Variants in ZC3H12B observed in about 807,000 individuals in gnomAD.
The protein encoded by ZC3H12B is probable ribonuclease ZC3H12B.
In ZC3H12B, 7 loss-of-function variants were observed where a neutral mutation model predicts 43.9. The ratio of observed to expected loss-of-function variants is 0.16; its 90% CI spans 0.09 to 0.30. The LOEUF is 0.30. ZC3H12B is among the 10% of genes least tolerant of loss of function. The probability of loss-of-function intolerance (pLI) is 1.00; values close to 1 mark genes in which losing one functional copy is unlikely to be tolerated. For missense variants in ZC3H12B, 475 were observed against 670.2 expected, an observed-to-expected ratio of 0.71 and a Z score of 3.22; for synonymous variants, 222 against 241.7, an observed-to-expected ratio of 0.92 and a Z score of 0.76.
chrX:65,464,362 C>G (rs2067791270), intron 3 of ZC3H12B, among the ~76,000 whole-genome samples: 1 of 111,210 alleles, frequency 9.0e-6, no homozygotes, highest in South Asian at 3.7e-4. Flanking sequence ...TTTTGTCTTT[C>G]TAGGAATTTG....
At chrX:65,154,748 AG>A in the ZC3H12B span, among the ~76,000 whole-genome samples, 1 of 111,368 alleles carries the variant, frequency 9.0e-6, no homozygotes, top group Non-Finnish European at 1.9e-5. Context: ...AAGGAGGCTG[AG>A]GCAGAAGATC....
chrX:65,098,171 A>T, the ZC3H12B span, among the ~76,000 whole-genome samples: 419 of 109,506 alleles, frequency 3.8e-3, 4 homozygotes, highest in African/African-American at 0.014. Flanking sequence ...GAGAAATTTC[A>T]AACTTTTAAA....
rs58150008 is a variant in ZC3H12B, at chrX:65,466,915, A to AATATATAT, written n.408-21688_408-21681dup. On this transcript the variant is annotated intron_variant and non_coding_transcript_variant, in intron 3 of 5. Coordinates refer to the ZC3H12B transcript ENST00000617377. ...ATATGTAACTATATATATAAAACCAAATATATATATATATATATATATATA... is the reference window on the plus strand; with the variant it reads ...ATATGTAACTATATATATAAAACCAAATATATATATATATATATATATATATATATATA... Among the ~76,000 whole-genome samples, 132 of 23,871 alleles carry AATATATAT rather than the reference A, an allele frequency of 5.5e-3. 7 individuals carry two copies. Among genetic ancestry groups the AATATATAT allele is most frequent in the Non-Finnish European group, 0.012 (77 of 6,272 alleles). 20.7% of individuals were successfully genotyped at this position (23,871 alleles called of 115,157 possible).
the ZC3H12B span, among the ~76,000 whole-genome samples, chrX:65,105,238 C>T: frequency 9.2e-6 from 1 of 109,055 alleles, no homozygotes; most frequent in Admixed American, 9.9e-5. Flanking sequence ...GAACATCACA[C>T]ATCAGGGCCT....
chrX:65,262,100 G>C, the ZC3H12B span, among the ~76,000 whole-genome samples: 1 of 110,639 alleles, frequency 9.0e-6, no homozygotes, highest in Non-Finnish European at 1.9e-5. Flanking sequence ...AGACTTATTT[G>C]AAAGGAAGTA....
chrX:65,315,914 T>C, the ZC3H12B span, among the ~76,000 whole-genome samples: 1 of 111,292 alleles, frequency 9.0e-6, no homozygotes, highest in Non-Finnish European at 1.9e-5. Flanking sequence ...CCAATGAACT[T>C]AAGGAGTAAA....
At chrX:65,477,221 G>C (rs1286630054) in intron 3 of ZC3H12B, among the ~76,000 whole-genome samples, 1 of 109,463 alleles carries the variant, frequency 9.1e-6, no homozygotes, top group Non-Finnish European at 1.9e-5. Flanking sequence ...TGGCTGACTG[G>C]TCTAGGGGAT....
At chrX:65,443,885 T>C (rs2067339135) in intron 3 of ZC3H12B, among the ~76,000 whole-genome samples, 1 of 112,694 alleles carries the variant, frequency 8.9e-6, no homozygotes, top group South Asian at 3.7e-4. Context: ...ATTTTTAATC[T>C]ATGTGTGTTC....
the ZC3H12B span, among the ~76,000 whole-genome samples, chrX:65,081,055 T>A: frequency 9.1e-6 from 1 of 109,820 alleles, no homozygotes; most frequent in Non-Finnish European, 1.9e-5. Context: ...CATTAAGTAG[T>A]TATCAGGTTA....
chrX:65,271,682 G>C, the ZC3H12B span: 1 of 112,548 alleles, frequency 8.9e-6, no homozygotes, highest in Non-Finnish European at 1.9e-5. Flanking sequence ...AGATGATATG[G>C]ATCTAGCCAC....
the ZC3H12B span, among the ~76,000 whole-genome samples, chrX:65,214,178 G>C: frequency 2.7e-5 from 3 of 111,049 alleles, no homozygotes; most frequent in East Asian, 8.5e-4. Flanking sequence ...GACTGATCAG[G>C]GTGACTGATA....
chrX:65,108,170 A>G, the ZC3H12B span, among the ~76,000 whole-genome samples: 4 of 111,653 alleles, frequency 3.6e-5, no homozygotes, highest in Admixed American at 9.5e-5. Context: ...GGACATTGCT[A>G]TACATACTGT....
the ZC3H12B span, among the ~76,000 whole-genome samples, chrX:65,270,631 A>G: frequency 1.8e-5 from 2 of 111,147 alleles, no homozygotes; most frequent in Non-Finnish European, 3.8e-5. Context: ...TGCAAACCAC[A>G]TAACTGATAG....
At chrX:65,382,616 G>A (rs1436396590) in intron 2 of ZC3H12B, among the ~76,000 whole-genome samples, 1 of 111,396 alleles carries the variant, frequency 9.0e-6, no homozygotes, top group East Asian at 2.8e-4. Context: ...AATCAGGCAG[G>A]AGAAGGAAAT....
At chrX:65,143,911 T>G in the ZC3H12B span, among the ~76,000 whole-genome samples, 1 of 110,863 alleles carries the variant, frequency 9.0e-6, no homozygotes, top group Non-Finnish European at 1.9e-5. Context: ...GGTTAGCTAG[T>G]ATTTGTTAAG....
the ZC3H12B span, among the ~76,000 whole-genome samples, chrX:65,070,936 TAG>T: frequency 9.2e-6 from 1 of 108,268 alleles, no homozygotes; most frequent in African/African-American, 3.4e-5. Context: ...TGTCTTTTGG[TAG>T]AGAGTTCTGT....
intron 3 of ZC3H12B, among the ~76,000 whole-genome samples, chrX:65,446,031 A>G (rs1178985535): frequency 9.0e-6 from 1 of 111,106 alleles, no homozygotes; most frequent in Non-Finnish European, 1.9e-5. Flanking sequence ...GCTGATGTTT[A>G]TTCAAGGCCC....
the ZC3H12B span, among the ~76,000 whole-genome samples, chrX:65,212,182 T>TATATATTATATAATATTATATA: frequency 2.0e-4 from 9 of 44,650 alleles, no homozygotes; most frequent in Admixed American, 4.6e-4. Flanking sequence ...TATTATATAT[T>TATATATTATATAATATTATATA]ATATATTATA....
At chrX:65,506,563 T>C (rs1042807540) in exon 5 of ZC3H12B, 2 of 111,924 alleles carry the variant, frequency 1.8e-5, no homozygotes, top group Non-Finnish European at 3.8e-5. Flanking sequence ...CTACAAAGCG[T>C]TTTGTGTGGT....
Sources: allele counts gnomAD v4.1 joint callset (sites outside exome capture counted in the v4.1 genomes callset), GRCh38; gene constraint gnomAD v4.1.1; transcripts MANE v1.5; gene names NCBI Gene and HGNC (gene_info 2026-07-23, HGNC 2026-07-21).